The following SYT1 variants were observed in gnomAD, a reference collection of about 807,000 sequenced individuals.
SYT1 encodes synaptotagmin 1.
Under a neutral mutation model 44.8 loss-of-function variants are expected in SYT1, and 8 were observed. The observed-to-expected ratio is 0.18, with a 90% confidence interval of 0.10 to 0.32. SYT1 has a LOEUF of 0.32. Ranked by LOEUF, SYT1 falls within the 10% of genes least tolerant of loss-of-function variation. The pLI is 1.00. For missense variants in SYT1, 286 were observed against 509.3 expected, an observed-to-expected ratio of 0.56 and a Z score of 4.22; for synonymous variants, 154 against 188.8, an observed-to-expected ratio of 0.82 and a Z score of 1.51.
At chr12:79,222,094 C>G (rs569807793) in intron 4 of SYT1, among the ~76,000 whole-genome samples, 1 of 152,108 alleles carries the variant, frequency 6.6e-6, no homozygotes, top group Non-Finnish European at 1.5e-5. Flanking sequence ...CAGTTTTTTT[C>G]TTCAGCATGT....
chr12:79,000,356 C>A lies in SYT1; in HGVS notation c.-84+22425C>A, dbSNP rs1035331081. ...TTGCCCAGCGTGGAGTGCAATGGCA[C>A]AATCTCAGCTCAATGCAACCTCCGC... On this transcript the variant is annotated intron_variant, in intron 2 of 10. Coordinates refer to ENST00000261205, the MANE Select transcript of SYT1 (RefSeq NM_005639.3). 1.2e-4 allele frequency among the ~76,000 whole-genome samples: 18 copies of A among 144,098 alleles called. 1 individual carries two copies. Among genetic ancestry groups the A allele is most frequent in the Non-Finnish European group, 6.0e-5 (4 of 66,910 alleles). 94.5% of individuals were successfully genotyped at this position (144,098 alleles called of 152,430 possible).
intron 8 of SYT1, among the ~76,000 whole-genome samples, chr12:79,351,458 G>A (rs971458233): frequency 2.0e-5 from 3 of 150,732 alleles, no homozygotes; most frequent in African/African-American, 4.9e-5. Flanking sequence ...TTCCTAATTA[G>A]AACAGTTAGA....
chr12:79,193,657 G>A (rs945855947), intron 3 of SYT1, among the ~76,000 whole-genome samples: 2 of 148,910 alleles, frequency 1.3e-5, no homozygotes, highest in African/African-American at 5.2e-5. Flanking sequence ...ATGCCCAGCA[G>A]TTCAAGGCTG....
At chr12:78,892,483 A>G (rs1258626632) in intron 1 of SYT1, among the ~76,000 whole-genome samples, 1 of 151,736 alleles carries the variant, frequency 6.6e-6, no homozygotes, top group Non-Finnish European at 1.5e-5. Flanking sequence ...AAAAATGACC[A>G]GTATAGACCT....
At chr12:79,165,120 C>T (rs117920020) in intron 3 of SYT1, among the ~76,000 whole-genome samples, 2,048 of 151,866 alleles carry the variant, frequency 0.013, 16 homozygotes, top group Non-Finnish European at 0.023. Flanking sequence ...TGTTTAGAAA[C>T]GTAATTTTTC....
chr12:79,417,271 G>C (rs1025068933), intron 9 of SYT1, among the ~76,000 whole-genome samples: 1 of 152,124 alleles, frequency 6.6e-6, no homozygotes, highest in Non-Finnish European at 1.5e-5. Context: ...AGGTGGCCAG[G>C]TGGTTGGTTT....
rs1216588253 is a variant in SYT1 at position 79,117,708 on chromosome 12, TATATATAA to T, written c.-18+70348_-18+70355del. Among the ~76,000 whole-genome samples, 111 of 109,842 alleles carry T rather than the reference TATATATAA, an allele frequency of 1.0e-3. 3 individuals are homozygous for T. The highest frequency in any genetic ancestry group is 4.1e-3 in the African/African-American group (108 of 26,430). The allele number at this position is 109,842 out of a possible 152,430, so 72.1% of individuals were successfully genotyped here. On this transcript the variant is annotated intron_variant, in intron 3 of 10. Coordinates refer to ENST00000261205, the MANE Select transcript of SYT1 (RefSeq NM_005639.3). The stretch of plus-strand genomic sequence containing the variant: ...ATATATATATATATATATATATATA[TATATATAA>T]AATAAATAGGTTGCATACAGAAGAT...
intron 8 of SYT1, among the ~76,000 whole-genome samples, chr12:79,312,833 A>C (rs557763398): frequency 6.9e-6 from 1 of 143,924 alleles, no homozygotes; most frequent in South Asian, 2.1e-4. Flanking sequence ...TAGTCTTCTA[A>C]GAAAGGCCAT....
chr12:79,143,712 C>G (rs1281683675), intron 3 of SYT1, among the ~76,000 whole-genome samples: 1 of 152,120 alleles, frequency 6.6e-6, no homozygotes, highest in Non-Finnish European at 1.5e-5. Flanking sequence ...ATCACATTCT[C>G]TGATGAAACT....
At chr12:79,275,335 G>A (rs1878653835) in intron 4 of SYT1, among the ~76,000 whole-genome samples, 1 of 152,090 alleles carries the variant, frequency 6.6e-6, no homozygotes, top group South Asian at 2.1e-4. Flanking sequence ...ATTGCTGCAG[G>A]CACACCCAGG....
At chr12:79,421,732 T>G in intron 9 of SYT1, among the ~76,000 whole-genome samples, 1 of 151,308 alleles carries the variant, frequency 6.6e-6, no homozygotes, top group African/African-American at 2.4e-5. Flanking sequence ...TTATTGTTGG[T>G]GGTGGTGGGT....
At chr12:79,217,438 A>G (rs1333441452) in intron 3 of SYT1, 65 bp from the exon 4 acceptor site, 1 of 1,364,738 alleles carries the variant, frequency 7.3e-7, no homozygotes, top group African/African-American at 1.5e-5. Flanking sequence ...TCTCTGGGAT[A>G]CCTTTGATGT....
At chr12:79,017,449 T>A (rs971417214) in intron 2 of SYT1, among the ~76,000 whole-genome samples, 12 of 152,126 alleles carry the variant, frequency 7.9e-5, no homozygotes, top group African/African-American at 2.9e-4. Context: ...CTAGGATAGT[T>A]CAAAAATATA....
chr12:79,008,859 C>T (rs1260062983), intron 2 of SYT1, among the ~76,000 whole-genome samples: 1 of 152,132 alleles, frequency 6.6e-6, no homozygotes, highest in African/African-American at 2.4e-5. Flanking sequence ...GCTTGAAGTA[C>T]ACAGCAGGGG....
intron 1 of SYT1, among the ~76,000 whole-genome samples, chr12:78,901,039 C>G (rs983817384): frequency 6.6e-6 from 1 of 152,004 alleles, no homozygotes; most frequent in African/African-American, 2.4e-5. Context: ...TTCACTATAT[C>G]CTTCATAAAA....
intron 8 of SYT1, among the ~76,000 whole-genome samples, chr12:79,304,184 G>T (rs1260023885): frequency 6.6e-6 from 1 of 152,156 alleles, no homozygotes; most frequent in Non-Finnish European, 1.5e-5. Flanking sequence ...TCCTCACCAA[G>T]TGTAATCACA....
At chr12:79,437,512 TAAGAG>T (rs1437449176) in intron 9 of SYT1, among the ~76,000 whole-genome samples, 1 of 152,186 alleles carries the variant, frequency 6.6e-6, no homozygotes, top group Admixed American at 6.5e-5. Flanking sequence ...GTCTGCAGGA[TAAGAG>T]AAGAGTTAAG....
At chr12:79,368,093 T>C (rs1421382534) in intron 9 of SYT1, among the ~76,000 whole-genome samples, 1 of 134,216 alleles carries the variant, frequency 7.5e-6, no homozygotes, top group African/African-American at 2.8e-5. Flanking sequence ...TTCCCCTTCC[T>C]GTGTCCATGT....
chr12:78,973,307 T>C (rs558200409), intron 1 of SYT1, among the ~76,000 whole-genome samples: 1 of 152,260 alleles, frequency 6.6e-6, no homozygotes, highest in East Asian at 1.9e-4. Context: ...TACCTCATAT[T>C]ATTAACTATA....
Sources: allele counts gnomAD v4.1 joint callset (sites outside exome capture counted in the v4.1 genomes callset), GRCh38; gene constraint gnomAD v4.1.1; transcripts MANE v1.5; gene names NCBI Gene and HGNC (gene_info 2026-07-23, HGNC 2026-07-21).